Variants in SDK1 observed in about 807,000 individuals in gnomAD.
SDK1 encodes the protein sidekick cell adhesion molecule 1.
SDK1 carries 157 observed loss-of-function variants against 245.5 expected under a neutral mutation model. The observed-to-expected ratio is 0.64, with a 90% CI of 0.56 to 0.73. The LOEUF is 0.73. Ranked by LOEUF, SDK1 falls within the 30% of genes least tolerant of loss-of-function variation. The pLI is 0.00. For synonymous variants in SDK1, 1,647 were observed against 1,278.5 expected, an observed-to-expected ratio of 1.29 and a Z score of -6.15; for missense variants, 3,583 against 3,002.3, an observed-to-expected ratio of 1.19 and a Z score of -4.52.
chr7:3,604,888 C>T (rs759788202), intron 1 of SDK1, among the ~76,000 whole-genome samples: 1 of 151,970 alleles, frequency 6.6e-6, no homozygotes, highest in Non-Finnish European at 1.5e-5. Flanking sequence ...AGGCATGAGC[C>T]ACGGTGTCCA....
intron 38 of SDK1, among the ~76,000 whole-genome samples, chr7:4,218,807 T>C (rs1784982744): frequency 6.6e-6 from 1 of 152,144 alleles, no homozygotes; most frequent in Non-Finnish European, 1.5e-5. Flanking sequence ...TACCACACCT[T>C]GATATCCTCC....
intron 5 of SDK1, among the ~76,000 whole-genome samples, chr7:3,855,295 A>G (rs1354196968): frequency 2.0e-5 from 3 of 152,032 alleles, no homozygotes; most frequent in African/African-American, 7.2e-5. Flanking sequence ...AACACCATGA[A>G]AGAGAGACAC....
At chr7:3,630,246 G>T (rs746521164) in intron 2 of SDK1, among the ~76,000 whole-genome samples, 1 of 152,118 alleles carries the variant, frequency 6.6e-6, no homozygotes, top group African/African-American at 2.4e-5. Context: ...CCAATTACTG[G>T]AGTTACCAGC....
chr7:3,347,681 G>GT (rs1302243433), intron 1 of SDK1, among the ~76,000 whole-genome samples: 3 of 152,230 alleles, frequency 2.0e-5, no homozygotes. Context: ...GGCTTTACAA[G>GT]TTTTTTCTCC....
At chr7:3,681,975 CAT>C (rs1457960276) in intron 4 of SDK1, among the ~76,000 whole-genome samples, 1 of 152,104 alleles carries the variant, frequency 6.6e-6, no homozygotes, top group Non-Finnish European at 1.5e-5. Flanking sequence ...GAGAGCATAA[CAT>C]AATCAAATGT....
At chr7:3,542,521 G>A (rs901188686) in intron 1 of SDK1, among the ~76,000 whole-genome samples, 2 of 152,148 alleles carry the variant, frequency 1.3e-5, no homozygotes, top group Non-Finnish European at 2.9e-5. Context: ...GCCAAGCATA[G>A]GATCATGCCT....
At chr7:3,408,185 G>A (rs956313880) in intron 1 of SDK1, among the ~76,000 whole-genome samples, 2 of 151,924 alleles carry the variant, frequency 1.3e-5, no homozygotes, top group Non-Finnish European at 1.5e-5. Flanking sequence ...CTACAGATAT[G>A]TGCCACCATG....
At chr7:3,327,564 T>C (rs1201023676) in intron 1 of SDK1, among the ~76,000 whole-genome samples, 2 of 152,138 alleles carry the variant, frequency 1.3e-5, no homozygotes, top group East Asian at 3.9e-4. Flanking sequence ...GGTTTTGCCA[T>C]ATAAGAAAAT....
intron 14 of SDK1, among the ~76,000 whole-genome samples, chr7:3,999,336 C>G (rs1784908328): frequency 1.3e-5 from 2 of 152,166 alleles, no homozygotes; most frequent in African/African-American, 4.8e-5. Context: ...CCAGGAAGAG[C>G]GTGAGGTCCA....
intron 6 of SDK1, among the ~76,000 whole-genome samples, chr7:3,951,271 G>C (rs556989405): frequency 3.4e-4 from 51 of 152,236 alleles, no homozygotes; most frequent in African/African-American, 1.2e-3. Context: ...GTGGTAGTGG[G>C]GGGCTCCTCT....
Position 3,987,240 on chromosome 7 carries a change from C to T in SDK1, c.2049C>T (p.Ser683=). ...TGGTCAGCCCTAATTCTTCCCACAG[C>T]CACGCCGTGGTGCTCTCTTGGGTCC... ...NLLVSPNSSH[S]HAVVLSWVRP... Residue 683 remains serine (S), a synonymous_variant, in exon 14 of 45, where the codon AGC becomes AGT. Coordinates refer to ENST00000404826, the MANE Select transcript of SDK1 (RefSeq NM_152744.4). 6.2e-7 allele frequency: 1 copy of T among 1,614,076 alleles called. No homozygotes were observed. Among genetic ancestry groups the T allele is most frequent in the Non-Finnish European group, 8.5e-7 (1 of 1,179,912 alleles).
rs183038718 is a variant in SDK1 at position 3,746,429 on chromosome 7, G to T, written c.714-75021G>T. On this transcript the variant is annotated intron_variant, in intron 4 of 44. Transcript: ENST00000404826. Reference sequence around the variant, plus strand: ...AACAGTGAAGTTTGCCCCATCAATTGATGTCTTCCTTTCACAAAAGATTTC... The same window carrying T: ...AACAGTGAAGTTTGCCCCATCAATTTATGTCTTCCTTTCACAAAAGATTTC... Among the ~76,000 whole-genome samples, 398 of 152,198 alleles carry T rather than the reference G, an allele frequency of 2.6e-3. 1 individual carries two copies. The highest frequency in any genetic ancestry group is 9.2e-3 in the African/African-American group (381 of 41,524).
chr7:4,103,857 G>T (rs549194410), intron 22 of SDK1, among the ~76,000 whole-genome samples: 31 of 152,360 alleles, frequency 2.0e-4, no homozygotes, highest in Non-Finnish European at 4.0e-4. Flanking sequence ...TTTCTGTAAA[G>T]GTCCCGATAG....
At chr7:4,207,972 C>T in intron 36 of SDK1, 127 bp from the exon 37 acceptor site, 3 of 711,130 alleles carry the variant, frequency 4.2e-6, no homozygotes, top group African/African-American at 1.8e-5. Flanking sequence ...AGCCTTTCCA[C>T]CTTCCCACCC....
At chr7:3,913,821 T>A (rs1779273913) in intron 5 of SDK1, among the ~76,000 whole-genome samples, 1 of 152,200 alleles carries the variant, frequency 6.6e-6, no homozygotes, top group Admixed American at 6.5e-5. Context: ...CTCTTTGATT[T>A]TCCTCCACAT....
intron 5 of SDK1, among the ~76,000 whole-genome samples, chr7:3,878,831 A>G (rs555663486): frequency 6.6e-6 from 1 of 152,278 alleles, no homozygotes; most frequent in East Asian, 1.9e-4. Flanking sequence ...GCCCTGTGAC[A>G]TTTAAAATTC....
intron 4 of SDK1, among the ~76,000 whole-genome samples, chr7:3,704,550 A>T (rs1245676609): frequency 6.6e-6 from 1 of 151,780 alleles, no homozygotes; most frequent in African/African-American, 2.4e-5. Context: ...TGGTTTTCTT[A>T]CTGATTAGTT....
chr7:3,846,089 C>T (rs1050077055), intron 5 of SDK1, among the ~76,000 whole-genome samples: 16 of 152,090 alleles, frequency 1.1e-4, no homozygotes, highest in African/African-American at 3.9e-4. Flanking sequence ...GAAAGTGCGT[C>T]CCAGGAATTT....
chr7:4,057,062 C>G (rs946422981), intron 19 of SDK1, among the ~76,000 whole-genome samples: 1 of 152,152 alleles, frequency 6.6e-6, no homozygotes, highest in African/African-American at 2.4e-5. Flanking sequence ...CTTCCAGGCA[C>G]CCTGAGGTCA....
Sources: gnomAD v4.1 joint callset for allele counts (sites outside exome capture counted in the v4.1 genomes callset) on GRCh38, gnomAD v4.1.1 for gene constraint, MANE v1.5 for transcripts, NCBI Gene and HGNC (gene_info 2026-07-23, HGNC 2026-07-21) for gene names.